SRGAP2C: variants seen among roughly 807,000 people sequenced by gnomAD.
SRGAP2C encodes the protein SLIT-ROBO Rho GTPase activating protein 2C, also known as SLIT-ROBO Rho GTPase-activating protein 2C.
In SRGAP2C, 15 loss-of-function variants were observed where a neutral mutation model predicts 25.1. The ratio of observed to expected loss-of-function variants is 0.60; its 90% CI spans 0.40 to 0.92. SRGAP2C has a LOEUF of 0.92. Ranked by LOEUF, SRGAP2C falls within the 40% of genes least tolerant of loss-of-function variation. The pLI is 0.00. For missense variants in SRGAP2C, 144 were observed against 264.4 expected (o/e 0.54, Z 3.16); for synonymous variants, 44 against 96.6 (o/e 0.46, Z 3.19).
rs1658515689 is a variant in SRGAP2C at position 121,336,399 on chromosome 1, CTCTT to C, written c.423+11763_423+11766del. On this transcript the variant is annotated intron_variant, in intron 4 of 9. Transcript: ENST00000367123. ...ATAGTGAATTCAAAACCTTTTCTCTCTCTTTCTCTCTCTCTCTCCTTCTCTCCCT... is the reference window on the plus strand; with the variant it reads ...ATAGTGAATTCAAAACCTTTTCTCTCTCTCTCTCTCTCTCCTTCTCTCCCT... Among the ~76,000 whole-genome samples the C allele has an allele frequency of 5.7e-5, 7 of 121,946 alleles. 1 individual carries two copies. In the South Asian group the frequency reaches 1.7e-3, roughly 30 times the overall value. The allele number at this position is 121,946 out of a possible 152,430, so 80.0% of individuals were successfully genotyped here. A position where few individuals can be genotyped will look rare whatever the true frequency, so the allele number is the denominator to read the frequency against.
chr1:121,292,240 C>T (rs1388156793), intron 3 of SRGAP2C, among the ~76,000 whole-genome samples: 8 of 150,726 alleles, frequency 5.3e-5, no homozygotes, highest in Non-Finnish European at 1.0e-4. Context: ...GAGACCTCTA[C>T]TTCTCAATGC....
rs1438334892 is a variant in SRGAP2C, at chr1:121,266,573, AG to A, written c.68-18229del. ...AGGAGTTGCCATGATTGCGGTTAGC[AG>A]TGTGAAGACCCTGGAAGACCTGCTT... On this transcript the variant is annotated intron_variant, in intron 2 of 9. Transcript: ENST00000367123. 1.2e-4 allele frequency among the ~76,000 whole-genome samples: 17 copies of A among 146,600 alleles called. No homozygotes were observed. The East Asian group carries it at 2.4e-3, about 21-fold the overall frequency.
intron 2 of SRGAP2C, among the ~76,000 whole-genome samples, chr1:121,190,973 G>A (rs1260621151): frequency 1.3e-5 from 2 of 150,108 alleles, no homozygotes; most frequent in Non-Finnish European, 3.0e-5. Flanking sequence ...CTACCCCAGA[G>A]TGGTTTTATG....
intron 2 of SRGAP2C, among the ~76,000 whole-genome samples, chr1:121,238,733 C>T (rs1280385007): frequency 2.7e-5 from 4 of 150,614 alleles, no homozygotes; most frequent in Non-Finnish European, 4.4e-5. Flanking sequence ...CTTGCCTCAG[C>T]CTGTTAAGTA....
At chr1:121,366,031 T>A (rs1259829295) in intron 5 of SRGAP2C, among the ~76,000 whole-genome samples, 1 of 140,116 alleles carries the variant, frequency 7.1e-6, no homozygotes, top group Non-Finnish European at 1.5e-5. Context: ...GTGGTGGTGG[T>A]TGTTCCCCAG....
intron 4 of SRGAP2C, among the ~76,000 whole-genome samples, chr1:121,328,898 AAAAAAAAC>A (rs1456147562): frequency 1.5e-4 from 6 of 41,080 alleles, no homozygotes; most frequent in Admixed American, 4.3e-4. Flanking sequence ...TTAAAAAAAA[AAAAAAAAC>A]AAAAAACAAA....
intron 5 of SRGAP2C, among the ~76,000 whole-genome samples, chr1:121,367,283 A>ATTTTTC (rs1659352192): frequency 6.6e-6 from 1 of 150,986 alleles, no homozygotes; most frequent in African/African-American, 2.4e-5. Context: ...AGGCACTAGG[A>ATTTTTC]AGTTTCAGAG....
intron 3 of SRGAP2C, among the ~76,000 whole-genome samples, chr1:121,315,600 A>C (rs1658080121): frequency 6.6e-6 from 1 of 151,142 alleles, no homozygotes; most frequent in African/African-American, 2.4e-5. Context: ...GGTTAATAAT[A>C]TGCTGTAATT....
intron 2 of SRGAP2C, among the ~76,000 whole-genome samples, chr1:121,191,614 G>A (rs1340408522): frequency 2.1e-4 from 32 of 151,036 alleles, no homozygotes; most frequent in South Asian, 1.3e-3. Flanking sequence ...TTGGAGCAGC[G>A]AAGGTGGTAA....
At chr1:121,222,393 C>T (rs1655551878) in intron 2 of SRGAP2C, among the ~76,000 whole-genome samples, 1 of 152,072 alleles carries the variant, frequency 6.6e-6, no homozygotes. Context: ...CTTTGGGAGG[C>T]TGAGGTGGGT....
intron 2 of SRGAP2C, among the ~76,000 whole-genome samples, chr1:121,271,443 G>T (rs1217050554): frequency 6.6e-5 from 10 of 151,514 alleles, no homozygotes; most frequent in African/African-American, 2.4e-4. Context: ...GAGGGCAAAG[G>T]AGGAGGATAC....
At chr1:121,271,626 C>T (rs1656962626) in intron 2 of SRGAP2C, among the ~76,000 whole-genome samples, 1 of 134,224 alleles carries the variant, frequency 7.5e-6, no homozygotes, top group Non-Finnish European at 1.6e-5. Flanking sequence ...TTTACTAAAT[C>T]ATGAAAGCAA....
Position 121,264,967 on chromosome 1 carries a change from C to T in SRGAP2C, c.68-19836C>T, listed in dbSNP as rs587703836. On this transcript the variant is annotated intron_variant, in intron 2 of 9. Transcript: ENST00000367123. ...ATCCCAGCACTTTGGGAGGCTGAGG[C>T]GGGTAGATCACTTGAGACCAGGAGT... Among the ~76,000 whole-genome samples the T allele has an allele frequency of 1.1e-3, 133 of 117,266 alleles. 2 individuals carry two copies. Among genetic ancestry groups the T allele is most frequent in the Non-Finnish European group, 1.4e-3 (81 of 55,964 alleles). 76.9% of individuals were successfully genotyped at this position (117,266 alleles called of 152,430 possible).
At chr1:121,379,275 G>T (rs1659750355) in intron 7 of SRGAP2C, among the ~76,000 whole-genome samples, 1 of 151,966 alleles carries the variant, frequency 6.6e-6, no homozygotes, top group Admixed American at 6.6e-5. Context: ...GAAGATATCA[G>T]CTGGGAAAGG....
At chr1:121,304,531 C>T (rs1553339231) in intron 3 of SRGAP2C, among the ~76,000 whole-genome samples, 1 of 150,024 alleles carries the variant, frequency 6.7e-6, no homozygotes, top group African/African-American at 2.4e-5. Flanking sequence ...GACAACATGG[C>T]GGAGAAGCTG....
intron 2 of SRGAP2C, among the ~76,000 whole-genome samples, chr1:121,206,205 C>T (rs1389981389): frequency 3.3e-5 from 5 of 152,002 alleles, no homozygotes; most frequent in Non-Finnish European, 5.9e-5. Flanking sequence ...CACCCCCATG[C>T]TCCTTCCCCC....
intron 4 of SRGAP2C, chr1:121,360,910 G>T (rs1659176961): frequency 6.7e-6 from 1 of 149,320 alleles, no homozygotes. Context: ...GGGGATAGTA[G>T]TGGTTGTTGG....
At chr1:121,235,044 C>T (rs1199346949) in intron 2 of SRGAP2C, among the ~76,000 whole-genome samples, 20 of 140,186 alleles carry the variant, frequency 1.4e-4, no homozygotes, top group Admixed American at 1.4e-3. Context: ...TTTTTTGAGG[C>T]GGAGTCTCGC....
chr1:121,234,924 C>T (rs1553328187), intron 2 of SRGAP2C, among the ~76,000 whole-genome samples: 1 of 151,760 alleles, frequency 6.6e-6, no homozygotes, highest in Non-Finnish European at 1.5e-5. Context: ...TTCCTAGCCT[C>T]CAGAACTGTA....
Sources: allele counts gnomAD v4.1 joint callset (sites outside exome capture counted in the v4.1 genomes callset), GRCh38; gene constraint gnomAD v4.1.1; transcripts MANE v1.5; gene names NCBI Gene and HGNC (gene_info 2026-07-23, HGNC 2026-07-21).